SGCZ: variants seen among roughly 807,000 people sequenced by gnomAD.
The protein encoded by SGCZ is sarcoglycan zeta, also known as zeta-sarcoglycan.
SGCZ carries 40 observed loss-of-function variants against 41.3 expected under a neutral mutation model. The ratio of observed to expected loss-of-function variants is 0.97; its 90% CI spans 0.75 to 1.26. SGCZ has a LOEUF of 1.26. Ranked by LOEUF, SGCZ falls within the 50% of genes most tolerant of loss-of-function variation. SGCZ has a pLI of 0.00. For missense variants in SGCZ, 552 were observed against 369.8 expected (o/e 1.49, Z -4.04); for synonymous variants, 206 against 137.5 (o/e 1.50, Z -3.49).
In SGCZ at chr8:15,166,478, G is replaced by A. The variant is rs1431575134; in HGVS notation, c.39+71107C>T. 2.6e-5 allele frequency among the ~76,000 whole-genome samples: 4 copies of A among 152,138 alleles called. No individual in the cohort carries two copies. The South Asian group carries it at 8.3e-4, about 32-fold the overall frequency. On this transcript the variant is annotated intron_variant, in intron 1 of 7. Transcript: ENST00000382080. ...TTAGCCAGGATGGTCTCCATCTCCTGACCTCATGATCCGCCCGCCTTGGCC... is the reference window on the plus strand; with the variant it reads ...TTAGCCAGGATGGTCTCCATCTCCTAACCTCATGATCCGCCCGCCTTGGCC...
chr8:14,893,509 C>G (rs1289751460), intron 1 of SGCZ, among the ~76,000 whole-genome samples: 1 of 152,130 alleles, frequency 6.6e-6, no homozygotes, highest in Non-Finnish European at 1.5e-5. Flanking sequence ...TTGGATTTCT[C>G]TTTTCAGGGG....
intron 4 of SGCZ, among the ~76,000 whole-genome samples, chr8:14,188,172 T>C (rs1804967847): frequency 6.6e-6 from 1 of 152,198 alleles, no homozygotes; most frequent in Non-Finnish European, 1.5e-5. Context: ...ACCTATGTTA[T>C]AAGAAATAGT....
At chr8:14,472,745 T>C (rs1371211241) in intron 2 of SGCZ, among the ~76,000 whole-genome samples, 1 of 152,194 alleles carries the variant, frequency 6.6e-6, no homozygotes, top group Non-Finnish European at 1.5e-5. Context: ...TCAAACTTTA[T>C]TCTATACAAA....
chr8:14,425,135 G>C (rs1392927574), intron 2 of SGCZ, among the ~76,000 whole-genome samples: 3 of 152,034 alleles, frequency 2.0e-5, no homozygotes, highest in Admixed American at 1.3e-4. Flanking sequence ...ACATTAGCCA[G>C]AGCTTTCTAA....
intron 1 of SGCZ, among the ~76,000 whole-genome samples, chr8:14,583,840 T>A (rs537164870): frequency 1.4e-5 from 2 of 147,346 alleles, no homozygotes; most frequent in South Asian, 2.2e-4. Flanking sequence ...TATATATATA[T>A]AAACAAATAA....
At chr8:14,189,824 C>A (rs891595467) in intron 4 of SGCZ, among the ~76,000 whole-genome samples, 2 of 152,080 alleles carry the variant, frequency 1.3e-5, no homozygotes, top group African/African-American at 4.8e-5. Flanking sequence ...TTCATTACTT[C>A]CAGGATTTGT....
chr8:14,442,343 C>T (rs759043154), intron 2 of SGCZ, among the ~76,000 whole-genome samples: 23 of 152,184 alleles, frequency 1.5e-4, no homozygotes, highest in Non-Finnish European at 2.2e-4. Context: ...CTCTTGCCTG[C>T]TGCCATGTAA....
chr8:14,276,175 G>T (rs1800223949), intron 3 of SGCZ, among the ~76,000 whole-genome samples: 1 of 152,156 alleles, frequency 6.6e-6, no homozygotes, highest in Non-Finnish European at 1.5e-5. Context: ...GGCATTGAAA[G>T]TAGTAGAAAT....
At chr8:14,924,054 A>C (rs1304701116) in intron 1 of SGCZ, among the ~76,000 whole-genome samples, 1 of 152,164 alleles carries the variant, frequency 6.6e-6, no homozygotes, top group Non-Finnish European at 1.5e-5. Context: ...TCTTAAGGGG[A>C]GTTTCATGGT....
chr8:15,128,332 G>A (rs975235758), intron 1 of SGCZ, among the ~76,000 whole-genome samples: 1 of 152,120 alleles, frequency 6.6e-6, no homozygotes, highest in Non-Finnish European at 1.5e-5. Context: ...GAGATTTGGG[G>A]CCCATTTATT....
intron 3 of SGCZ, among the ~76,000 whole-genome samples, chr8:14,320,168 A>G (rs1055619900): frequency 9.2e-5 from 14 of 151,800 alleles, no homozygotes; most frequent in African/African-American, 3.4e-4. Context: ...ACTTGACTAA[A>G]GTGATTACTG....
At chr8:15,206,204 T>A (rs1230439244) in intron 1 of SGCZ, among the ~76,000 whole-genome samples, 2 of 152,160 alleles carry the variant, frequency 1.3e-5, no homozygotes, top group Admixed American at 1.3e-4. Flanking sequence ...CATACCATCC[T>A]AGTTTATGGA....
intron 1 of SGCZ, among the ~76,000 whole-genome samples, chr8:15,053,641 G>C (rs1804600964): frequency 1.3e-5 from 2 of 152,084 alleles, no homozygotes; most frequent in African/African-American, 4.8e-5. Flanking sequence ...AGGTGATATT[G>C]GTTTTACTCT....
chr8:14,900,042 G>C (rs1050106557), intron 1 of SGCZ, among the ~76,000 whole-genome samples: 8 of 152,002 alleles, frequency 5.3e-5, no homozygotes, highest in Admixed American at 4.6e-4. Flanking sequence ...TTTTTCTCCA[G>C]TGTTCTGTGG....
chr8:15,193,542 G>C (rs1272101999), intron 1 of SGCZ, among the ~76,000 whole-genome samples: 1 of 151,984 alleles, frequency 6.6e-6, no homozygotes, highest in Non-Finnish European at 1.5e-5. Flanking sequence ...AACAAAACCT[G>C]ACACATAAAG....
At chr8:15,051,861 T>G (rs766125538) in intron 1 of SGCZ, among the ~76,000 whole-genome samples, 1 of 152,148 alleles carries the variant, frequency 6.6e-6, no homozygotes, top group Non-Finnish European at 1.5e-5. Flanking sequence ...GTTTAAGCAT[T>G]TGAGCTGGAA....
chr8:14,799,831 T>TA (rs1335217282), intron 1 of SGCZ, among the ~76,000 whole-genome samples: 11 of 152,064 alleles, frequency 7.2e-5, no homozygotes, highest in African/African-American at 2.7e-4. Flanking sequence ...AAACATAACC[T>TA]AGCAAATGTA....
At chr8:14,481,974 G>A (rs3848991) in intron 2 of SGCZ, among the ~76,000 whole-genome samples, 59,843 of 151,910 alleles carry the variant, frequency 0.39, 12,254 homozygotes, top group East Asian at 0.67. Flanking sequence ...GATACCTACC[G>A]GACCACACCA....
intron 1 of SGCZ, among the ~76,000 whole-genome samples, chr8:15,058,943 A>C (rs1314034295): frequency 6.6e-6 from 1 of 152,190 alleles, no homozygotes; most frequent in Non-Finnish European, 1.5e-5. Context: ...GTGTTTTTAA[A>C]AGAAATTTAT....
Sources: gnomAD v4.1 joint callset for allele counts (sites outside exome capture counted in the v4.1 genomes callset) on GRCh38, gnomAD v4.1.1 for gene constraint, MANE v1.5 for transcripts, NCBI Gene and HGNC (gene_info 2026-07-23, HGNC 2026-07-21) for gene names.